Variants in COQ4 observed in about 807,000 individuals in gnomAD.
The protein encoded by COQ4 is coenzyme Q4, also known as ubiquinone biosynthesis protein COQ4 homolog, mitochondrial.
In COQ4, 36 loss-of-function variants were observed where a neutral mutation model predicts 30.2. The observed-to-expected ratio is 1.19, with a 90% CI of 0.91 to 1.57. The LOEUF is 1.57. Among genes scored for constraint, COQ4 ranks in the 40% most tolerant of loss-of-function variants. The pLI is 0.00. For missense variants in COQ4, 369 were observed against 371.9 expected, an observed-to-expected ratio of 0.99 and a Z score of 0.07; for synonymous variants, 197 against 161.0, an observed-to-expected ratio of 1.22 and a Z score of -1.69.
chr9:128,333,431 C>T (rs1387432483), intron 6 of COQ4, 43 bp from the exon 7 acceptor site: 5 of 1,465,396 alleles, frequency 3.4e-6, no homozygotes, highest in African/African-American at 1.4e-5. Context: ...GAGTGCCTGG[C>T]CCCAGGGACT....
intron 4 of COQ4, among the ~76,000 whole-genome samples, chr9:128,328,871 G>C (rs1028942207): frequency 6.6e-6 from 1 of 152,222 alleles, no homozygotes; most frequent in Non-Finnish European, 1.5e-5. Flanking sequence ...GGGGGTAGCA[G>C]GGACAGGACT....
At chr9:128,333,198 C>G (rs1321828198) in intron 6 of COQ4, among the ~76,000 whole-genome samples, 1 of 152,086 alleles carries the variant, frequency 6.6e-6, no homozygotes, top group East Asian at 1.9e-4. Context: ...AGTGCATGGT[C>G]AGAATGATGA....
In COQ4 at chr9:128,322,990, ACCTCGG is replaced by A; in HGVS notation, c.71-22_71-17del. The A allele has an allele frequency of 6.2e-7, 1 of 1,609,414 alleles. No individual in the cohort carries two copies. The highest frequency in any genetic ancestry group is 8.5e-7 in the Non-Finnish European group (1 of 1,179,646). ...AGCCTGAGGGCGCCCGGCTCCTCTG[ACCTCGG>A]CCTTTTTCTTGCCCCGCAGAAATGC... On this transcript the variant is annotated intron_variant, in intron 1 of 6. Transcript: ENST00000300452.
chr9:128,333,713 C>G lies in COQ4; in HGVS notation c.*68C>G. On this transcript the variant is annotated 3_prime_UTR_variant, in exon 7 of 7. Coordinates refer to ENST00000300452, the MANE Select transcript of COQ4 (RefSeq NM_016035.5). The stretch of plus-strand genomic sequence containing the variant: ...GCTTCCCTTGGAGGCAGAGGGCTCC[C>G]TTGACTACCTTTGTTCCTCTTCTTT... 1 of 1,299,634 alleles carries G rather than the reference C, an allele frequency of 7.7e-7. No homozygotes were observed. The highest frequency in any genetic ancestry group is 1.0e-6 in the Non-Finnish European group (1 of 974,284). The allele number at this position is 1,299,634 out of a possible 1,614,324, so 80.5% of individuals were successfully genotyped here.
At chr9:128,330,787 CT>C (rs1832394382) in intron 4 of COQ4, 1 of 150,382 alleles carries the variant, frequency 6.6e-6, no homozygotes, top group African/African-American at 2.4e-5. Context: ...AAATATGCAT[CT>C]TGTTTAGCCC....
At chr9:128,330,314 A>G (rs1832384216) in intron 4 of COQ4, 1 of 151,808 alleles carries the variant, frequency 6.6e-6, no homozygotes. Context: ...AGGAGATTGC[A>G]GTAAGCCGAG....
intron 4 of COQ4, among the ~76,000 whole-genome samples, chr9:128,327,817 T>C (rs1282623940): frequency 1.3e-5 from 2 of 152,070 alleles, no homozygotes; most frequent in African/African-American, 4.8e-5. Flanking sequence ...TAAAAAAAAG[T>C]ATACCAGCAC....
At position 128,323,120 on chromosome 9, in the gene COQ4, A is replaced by G. The variant is rs963644763; in HGVS notation, c.175A>G (p.Met59Val). 1.2e-6 allele frequency: 2 copies of G among 1,609,600 alleles called. No individual in the cohort carries two copies. Among genetic ancestry groups the G allele is most frequent in the African/African-American group, 1.3e-5 (1 of 74,876 alleles). Residue 59 changes from methionine (M) to valine (V), a missense_variant, in exon 2 of 7, where the codon ATG becomes GTG. By Grantham distance (21) the Met-to-Val change is conservative (BLOSUM62 1). Transcript: ENST00000300452. ...GCTGTTGGCCGCCGGCTCCGCGGCGATGGCGCTCTATAACCCCTACCGCCA... is the reference window on the plus strand; with the variant it reads ...GCTGTTGGCCGCCGGCTCCGCGGCGGTGGCGCTCTATAACCCCTACCGCCA... ...KGLLAAGSAAMALYNPYRHDM... is the reference protein window; with the variant it reads ...KGLLAAGSAAVALYNPYRHDM...
intron 4 of COQ4, 75 bp downstream of exon 4, chr9:128,325,956 G>A: frequency 7.6e-7 from 1 of 1,314,980 alleles, no homozygotes; most frequent in Non-Finnish European, 1.1e-6. Context: ...ACACCCTGAG[G>A]AAAGAGGAGC....
intron 4 of COQ4, chr9:128,330,996 C>G (rs989284278): frequency 1.3e-5 from 2 of 152,144 alleles, no homozygotes; most frequent in Non-Finnish European, 2.9e-5. Flanking sequence ...CGCCGCCACG[C>G]CCGGAGAATT....
At position 128,322,947 on chromosome 9, in the gene COQ4, T is replaced by C; in HGVS notation, c.70+19T>C. On this transcript the variant is annotated intron_variant, in intron 1 of 6. Transcript: ENST00000300452. ...GCGGCAGGCAAGTGGCGCCGGGTTC[T>C]GGGCGCAGGCGGGAAGGAGCCTGAG... is the stretch of plus-strand genomic sequence containing the variant. 4 of 1,604,156 alleles carry C rather than the reference T, an allele frequency of 2.5e-6. No individual in the cohort carries two copies. Among genetic ancestry groups the C allele is most frequent in the South Asian group, 1.1e-5 (1 of 90,918 alleles).
Position 128,333,712 on chromosome 9 carries a change from C to A in COQ4, c.*67C>A. On this transcript the variant is annotated 3_prime_UTR_variant, in exon 7 of 7. Transcript: ENST00000300452. ...TGCTTCCCTTGGAGGCAGAGGGCTC[C>A]CTTGACTACCTTTGTTCCTCTTCTT... is the stretch of plus-strand genomic sequence containing the variant. 7.7e-7 allele frequency: 1 copy of A among 1,303,350 alleles called. No individual in the cohort carries two copies. Among genetic ancestry groups the A allele is most frequent in the Non-Finnish European group, 1.0e-6 (1 of 977,662 alleles). The allele number at this position is 1,303,350 out of a possible 1,614,324, so 80.7% of individuals were successfully genotyped here.
intron 2 of COQ4, 23 bp downstream of exon 2, chr9:128,323,170 C>T (rs1192416776): frequency 6.4e-6 from 10 of 1,564,878 alleles, no homozygotes; most frequent in South Asian, 1.1e-5. Context: ...GCGCCTCGCC[C>T]CCGTGGGGGC....
chr9:128,329,986 G>A (rs1410030731), intron 4 of COQ4, among the ~76,000 whole-genome samples: 1 of 152,092 alleles, frequency 6.6e-6, no homozygotes, highest in Admixed American at 6.6e-5. Context: ...CCAGGCCCTG[G>A]ATCAGGCTAC....
Position 128,323,094 on chromosome 9 carries a change from G to C in COQ4, c.149G>C (p.Gly50Ala), listed in dbSNP as rs3003601. ...HHLPTSPLQK[G>A]LLAAGSAAMA... is the part of the protein sequence containing the mutation. ...CTCCCCACCTCCCCGCTGCAGAAAG[G>C]GCTGTTGGCCGCCGGCTCCGCGGCG... The change falls in exon 2 of 7, where the codon GGG (glycine) becomes GCG (alanine). Residue 50 changes from glycine to alanine, a missense_variant. Gly to Ala is a moderately conservative substitution (Grantham distance 60, BLOSUM62 0). Coordinates refer to ENST00000300452, the MANE Select transcript of COQ4 (RefSeq NM_016035.5). 1 allele frequency: 1,610,292 copies of C among 1,611,922 alleles called. 804,336 individuals are homozygous for C. Among genetic ancestry groups the C allele is most frequent in the East Asian group, 1 (44,856 of 44,856 alleles).
Position 128,333,209 on chromosome 9 carries a change from G to A in COQ4, c.627-265G>A, listed in dbSNP as rs555033573. Among the ~76,000 whole-genome samples, 3 of 152,270 alleles carry A rather than the reference G, an allele frequency of 2.0e-5. No individual in the cohort carries two copies. The South Asian group carries it at 6.2e-4, about 32-fold the overall frequency. The stretch of plus-strand genomic sequence containing the variant: ...CCTAAGTGCATGGTCAGAATGATGA[G>A]CGTCAGTGGGAAGGCAGGTTGGTGT... On this transcript the variant is annotated intron_variant, in intron 6 of 6. Transcript: ENST00000300452.
At chr9:128,332,447 C>A in intron 5 of COQ4, 165 bp downstream of exon 5, 1 of 731,444 alleles carries the variant, frequency 1.4e-6, no homozygotes, top group Non-Finnish European at 2.2e-6. Flanking sequence ...CCTTCTTTCT[C>A]CCACTGCCCC....
At chr9:128,329,249 GGT>G (rs1588541871) in intron 4 of COQ4, among the ~76,000 whole-genome samples, 1 of 152,164 alleles carries the variant, frequency 6.6e-6, no homozygotes, top group African/African-American at 2.4e-5. Context: ...TATCGGCCTT[GGT>G]AATGGATATT....
rs1183420702 is a variant in COQ4, at chr9:128,325,240, G to C, written c.299+1G>C. Reference sequence around the variant, plus strand: ...ATCCAGAGGGTGCCCAGATCCTGCAGTAGGTCCCAGCTCTGCCTGGGGGTC... The same window carrying C: ...ATCCAGAGGGTGCCCAGATCCTGCACTAGGTCCCAGCTCTGCCTGGGGGTC... On this transcript the variant is annotated splice_donor_variant, in intron 3 of 6. Transcript: ENST00000300452. LOFTEE classifies it high-confidence loss of function. 1 of 1,609,934 alleles carries C rather than the reference G, an allele frequency of 6.2e-7. No individual in the cohort carries two copies. Among genetic ancestry groups the C allele is most frequent in the African/African-American group, 1.3e-5 (1 of 74,840 alleles).
Sources: allele counts gnomAD v4.1 joint callset (sites outside exome capture counted in the v4.1 genomes callset), GRCh38; gene constraint gnomAD v4.1.1; transcripts MANE v1.5; gene names NCBI Gene and HGNC (gene_info 2026-07-23, HGNC 2026-07-21).